CDH4: variants seen among roughly 807,000 people sequenced by gnomAD.
The protein encoded by CDH4 is cadherin-4.
A neutral mutation model predicts 86.0 loss-of-function variants in CDH4; 33 were observed. The observed-to-expected ratio is 0.38, with a 90% CI of 0.29 to 0.51. The LOEUF (loss-of-function observed/expected upper bound fraction) is 0.51. Ranked by LOEUF, CDH4 falls within the 20% of genes least tolerant of loss-of-function variation. The pLI is 0.86. For synonymous variants in CDH4, 555 were observed against 549.4 expected, an observed-to-expected ratio of 1.01 and a Z score of -0.14; for missense variants, 1,114 against 1,307.4, an observed-to-expected ratio of 0.85 and a Z score of 2.28.
At chr20:61,818,270 T>A (rs1253811167) in intron 4 of CDH4, among the ~76,000 whole-genome samples, 1 of 152,208 alleles carries the variant, frequency 6.6e-6, no homozygotes, top group Non-Finnish European at 1.5e-5. Flanking sequence ...TGCATGCCCT[T>A]GCTGGGGTGT....
rs1336597414 is a variant in CDH4, at chr20:61,417,736, G to C, written c.169+162799G>C. On this transcript the variant is annotated intron_variant, in intron 2 of 15. Transcript: ENST00000614565. The surrounding 1 kb of genome is among the most constrained non-coding windows in gnomAD (Gnocchi z 4.0). ...GGCTGGAGACAGGTGCACATGGCGGGAAGTGGGCACAGGAGCCTTGACCTG... is the reference window on the plus strand; with the variant it reads ...GGCTGGAGACAGGTGCACATGGCGGCAAGTGGGCACAGGAGCCTTGACCTG... Among the ~76,000 whole-genome samples the C allele has an allele frequency of 6.6e-6, 1 of 152,174 alleles. No homozygotes were observed. The highest frequency in any genetic ancestry group is 2.4e-5 in the African/African-American group (1 of 41,446).
chr20:61,591,878 G>A (rs1253319821), intron 2 of CDH4, among the ~76,000 whole-genome samples: 3 of 147,032 alleles, frequency 2.0e-5, no homozygotes, highest in African/African-American at 7.5e-5. Context: ...CTTCATTATT[G>A]GGAAGCCATT....
At chr20:61,620,325 T>C (rs2086765314) in intron 2 of CDH4, among the ~76,000 whole-genome samples, 1 of 150,960 alleles carries the variant, frequency 6.6e-6, no homozygotes, top group African/African-American at 2.5e-5. Context: ...GGTAGATGGA[T>C]GGATGGATAG....
intron 2 of CDH4, among the ~76,000 whole-genome samples, chr20:61,735,485 C>T (rs889560315): frequency 8.5e-5 from 13 of 152,148 alleles, no homozygotes; most frequent in Non-Finnish European, 1.5e-4. Flanking sequence ...CTGCAGGGAC[C>T]ACAGCCCAGC....
chr20:61,530,036 G>GTGTT (rs758564238), intron 2 of CDH4, among the ~76,000 whole-genome samples: 2 of 151,570 alleles, frequency 1.3e-5, no homozygotes, highest in South Asian at 2.1e-4. Context: ...GTTTGTTTGT[G>GTGTT]TGTTTGTTTG....
intron 4 of CDH4, among the ~76,000 whole-genome samples, chr20:61,808,529 T>C (rs894594420): frequency 3.3e-5 from 5 of 152,196 alleles, no homozygotes; most frequent in African/African-American, 7.2e-5. Context: ...TCTCCAGCCC[T>C]GGCTCAGCCC....
At chr20:61,595,302 G>T (rs1568702936) in intron 2 of CDH4, among the ~76,000 whole-genome samples, 1 of 152,244 alleles carries the variant, frequency 6.6e-6, no homozygotes, top group South Asian at 2.1e-4. Flanking sequence ...GGGCAGATGG[G>T]GCCTGCCCTA....
intron 4 of CDH4, among the ~76,000 whole-genome samples, chr20:61,816,258 G>T (rs1980708977): frequency 6.6e-6 from 1 of 152,106 alleles, no homozygotes; most frequent in African/African-American, 2.4e-5. Context: ...TCCCCTCTGT[G>T]ATGTTCACAG....
chr20:61,733,776 G>A (rs928405752), intron 2 of CDH4, among the ~76,000 whole-genome samples: 4 of 152,126 alleles, frequency 2.6e-5, no homozygotes. Context: ...TGAACCTGAG[G>A]GTTTGAAACT....
chr20:61,355,776 C>T (rs561657728), intron 2 of CDH4, among the ~76,000 whole-genome samples: 1 of 152,356 alleles, frequency 6.6e-6, no homozygotes, highest in African/African-American at 2.4e-5. Flanking sequence ...CTCATACATG[C>T]ACCTGCACAC....
intron 2 of CDH4, among the ~76,000 whole-genome samples, chr20:61,460,003 G>A (rs538883743): frequency 9.9e-4 from 150 of 152,262 alleles, no homozygotes; most frequent in African/African-American, 3.5e-3. Context: ...ATGGCAGAGT[G>A]ATGGGTTGCT....
intron 4 of CDH4, among the ~76,000 whole-genome samples, chr20:61,792,418 C>T (rs1468955442): frequency 6.6e-6 from 1 of 152,150 alleles, no homozygotes; most frequent in Non-Finnish European, 1.5e-5. Context: ...GGCTTCCTGC[C>T]CCAGCCCAAG....
At chr20:61,786,721 T>C (rs77541049) in intron 4 of CDH4, among the ~76,000 whole-genome samples, 8,461 of 152,322 alleles carry the variant, frequency 0.056, 745 homozygotes, top group African/African-American at 0.19. Context: ...GATTTAATTT[T>C]GTCACTGAAT....
chr20:61,788,517 C>A (rs1337293225), intron 4 of CDH4, among the ~76,000 whole-genome samples: 1 of 152,134 alleles, frequency 6.6e-6, no homozygotes, highest in East Asian at 1.9e-4. Flanking sequence ...GTCAGGAGGC[C>A]CCCAAGTGCT....
chr20:61,744,076 C>T (rs1287526754), intron 3 of CDH4, among the ~76,000 whole-genome samples: 4 of 152,198 alleles, frequency 2.6e-5, no homozygotes, highest in Non-Finnish European at 5.9e-5. Context: ...CAAGGGGCCC[C>T]AAATTTTCAT....
At chr20:61,806,284 A>C (rs539331832) in intron 4 of CDH4, among the ~76,000 whole-genome samples, 8 of 151,946 alleles carry the variant, frequency 5.3e-5, no homozygotes, top group African/African-American at 1.7e-4. Flanking sequence ...ACCACTGGAG[A>C]GATGAGGAGG....
chr20:61,625,152 C>T lies in CDH4; in HGVS notation c.170-118411C>T, dbSNP rs535322308. Among the ~76,000 whole-genome samples, 4 of 152,176 alleles carry T rather than the reference C, an allele frequency of 2.6e-5. No individual in the cohort carries two copies. The South Asian group carries it at 8.3e-4, about 32-fold the overall frequency. On this transcript the variant is annotated intron_variant, in intron 2 of 15. Transcript: ENST00000614565. ...AGAATCCCCACAAAACTCACCAGGG[C>T]GGGACGAGAGGGAAGCACCTCTCCC...
chr20:61,404,456 C>T (rs926075762), intron 2 of CDH4, among the ~76,000 whole-genome samples: 1 of 152,038 alleles, frequency 6.6e-6, no homozygotes, highest in Non-Finnish European at 1.5e-5. Flanking sequence ...CTGAAATATC[C>T]GGTGGCATTA....
At chr20:61,694,864 T>C (rs2087700206) in intron 2 of CDH4, among the ~76,000 whole-genome samples, 2 of 152,162 alleles carry the variant, frequency 1.3e-5, no homozygotes, top group African/African-American at 4.8e-5. Context: ...CGGCAGATAG[T>C]GCTGACAGAA....
Sources: gnomAD v4.1 joint callset for allele counts (sites outside exome capture counted in the v4.1 genomes callset) on GRCh38, gnomAD v4.1.1 for gene constraint, Gnocchi (gnomAD v3.1) non-coding constraint, MANE v1.5 for transcripts, NCBI Gene and HGNC (gene_info 2026-07-23, HGNC 2026-07-21) for gene names.